The following MMS19 variants were observed in gnomAD, a reference collection of about 807,000 sequenced individuals.
The protein encoded by MMS19 is MMS19 nucleotide excision repair protein homolog.
Under a neutral mutation model 129.8 loss-of-function variants are expected in MMS19, and 77 were observed. The ratio of observed to expected loss-of-function variants is 0.59; its 90% confidence interval spans 0.49 to 0.72. MMS19 has a LOEUF of 0.72. Ranked by LOEUF, MMS19 falls within the 30% of genes least tolerant of loss-of-function variation. MMS19 has a pLI of 0.00. For missense variants in MMS19, 1,168 were observed against 1,266.3 expected (o/e 0.92, Z 1.18); for synonymous variants, 491 against 502.8 (o/e 0.98, Z 0.31).
In MMS19 at chr10:97,470,209, G is replaced by C; in HGVS notation, c.772-6C>G. 1 of 1,599,260 alleles carries C rather than the reference G, an allele frequency of 6.3e-7. No individual in the cohort carries two copies. Among genetic ancestry groups the C allele is most frequent in the Non-Finnish European group, 8.5e-7 (1 of 1,171,950 alleles). Reference sequence around the variant, plus strand: ...ATCAACAGGGGCAGCAGAAACTGTGGGACAGAAGGAAGATCTTAAGCCTGA... The same window carrying C: ...ATCAACAGGGGCAGCAGAAACTGTGCGACAGAAGGAAGATCTTAAGCCTGA... On this transcript the variant is annotated splice_polypyrimidine_tract_variant and splice_region_variant and intron_variant, in intron 9 of 30. Transcript: ENST00000438925.
At position 97,467,489 on chromosome 10, in the gene MMS19, T is replaced by C. The variant is rs1371127902; in HGVS notation, c.1297+16A>G. On this transcript the variant is annotated intron_variant, in intron 14 of 30. Transcript: ENST00000438925. ...TTCAACAGTCCCCAGAGCACTGCAA[T>C]GGAAGGCAACCTCACCTTTGTCTTC... The C allele has an allele frequency of 1.9e-6, 3 of 1,603,688 alleles. No homozygotes were observed. The highest frequency in any genetic ancestry group is 2.7e-5 in the African/African-American group (2 of 74,708).
rs200490757 is a variant in MMS19 at position 97,459,234 on chromosome 10, G to A, written c.2953C>T (p.Pro985Ser). 897 of 1,612,098 alleles carry A rather than the reference G, an allele frequency of 5.6e-4. No individual in the cohort carries two copies. Among genetic ancestry groups the A allele is most frequent in the Non-Finnish European group, 7.1e-4 (833 of 1,179,210 alleles). Residue 985 changes from proline to serine, a missense_variant, in exon 29 of 31, where the codon CCC becomes TCC. Pro to Ser is a moderately conservative substitution (Grantham distance 74). Coordinates refer to ENST00000438925, the MANE Select transcript of MMS19 (RefSeq NM_022362.5). ...LQCMHALTRL[P>S]TPVLLPYKPQ... ...CCTGAGGTACTTACCACAGGGGTGG[G>A]CAGGCGAGTGAGAGCATGCATGCAC...
At chr10:97,473,568 C>A (rs190083978) in intron 8 of MMS19, among the ~76,000 whole-genome samples, 5 of 150,614 alleles carry the variant, frequency 3.3e-5, no homozygotes, top group African/African-American at 9.8e-5. Flanking sequence ...TCTAGGATGA[C>A]GGTGAAGGAA....
rs1469677891 is a variant in MMS19 at position 97,458,433 on chromosome 10, T to A, written c.*259A>T. 3 of 491,498 alleles carry A rather than the reference T, an allele frequency of 6.1e-6. No individual in the cohort carries two copies. Among genetic ancestry groups the A allele is most frequent in the Non-Finnish European group, 7.2e-6 (2 of 278,014 alleles). The allele number at this position is 491,498 out of a possible 1,614,324, so 30.4% of individuals were successfully genotyped here. A position where few individuals can be genotyped will look rare whatever the true frequency, so the allele number is the denominator to read the frequency against. ...CCTCAGCAGCATATCGCCCCTTTTC[T>A]GACATATAAATGCAAGAGACCCAGG... On this transcript the variant is annotated 3_prime_UTR_variant, in exon 31 of 31. Transcript: ENST00000438925.
intron 8 of MMS19, among the ~76,000 whole-genome samples, chr10:97,472,757 G>A (rs1350104210): frequency 1.3e-5 from 2 of 151,494 alleles, no homozygotes; most frequent in African/African-American, 4.9e-5. Context: ...CTACAGACTC[G>A]ACCACCACGC....
chr10:97,460,390 G>T, intron 25 of MMS19, 158 bp from the exon 26 acceptor site: 1 of 669,546 alleles, frequency 1.5e-6, no homozygotes, highest in Non-Finnish European at 2.5e-6. Flanking sequence ...GGGCAACATG[G>T]CCAAACCCAG....
chr10:97,462,980 C>A lies in MMS19; in HGVS notation c.1913-298G>T, dbSNP rs141236255. ...TAACATAAGAAATAGAAATGTTGTC[C>A]CTGGTGTCCCTGGAGATGCAAGGAA... On this transcript the variant is annotated intron_variant, in intron 19 of 30. Coordinates refer to ENST00000438925, the MANE Select transcript of MMS19 (RefSeq NM_022362.5). The A allele has an allele frequency of 2.5e-3, 804 of 324,184 alleles. 1 individual carries two copies. Among genetic ancestry groups the A allele is most frequent in the Middle Eastern group, 0.012 (14 of 1,136 alleles). The allele number at this position is 324,184 out of a possible 1,614,324, so 20.1% of individuals were successfully genotyped here.
intron 13 of MMS19, 120 bp from the exon 14 acceptor site, chr10:97,467,703 A>G (rs985754358): frequency 1.1e-6 from 1 of 888,082 alleles, no homozygotes; most frequent in African/African-American, 1.7e-5. Flanking sequence ...GCTATGCCAC[A>G]GCCAGGCTGG....
At chr10:97,479,499 A>G (rs535947537) in intron 3 of MMS19, among the ~76,000 whole-genome samples, 15 of 152,190 alleles carry the variant, frequency 9.9e-5, no homozygotes, top group African/African-American at 3.4e-4. Context: ...GCATCTCTAC[A>G]GGGGGGAATG....
chr10:97,469,093 C>T lies in MMS19; in HGVS notation c.936G>A (p.Thr312=), dbSNP rs763362718. 64 of 1,578,000 alleles carry T rather than the reference C, an allele frequency of 4.1e-5. No homozygotes were observed. Among genetic ancestry groups the T allele is most frequent in the Middle Eastern group, 1.7e-4 (1 of 6,046 alleles). ...CCTCTGCCTCCACCCGCTCACTTGC[C>T]GTCTGGAACACCTGTCAGGGAGGGA... ...WASIRREVFQ[T]ASERVEAEGL... Residue 312 remains threonine (T), a synonymous_variant, in exon 12 of 31, where the codon ACG becomes ACA. Transcript: ENST00000438925.
At chr10:97,467,681 G>T in intron 13 of MMS19, 98 bp from the exon 14 acceptor site, 2 of 1,180,026 alleles carry the variant, frequency 1.7e-6, no homozygotes. Flanking sequence ...TCTTCCAAGA[G>T]ATGGGGGTTT....
intron 25 of MMS19, 40 bp from the exon 26 acceptor site, chr10:97,460,272 G>C (rs1395606029): frequency 7.0e-6 from 11 of 1,577,264 alleles, no homozygotes; most frequent in Non-Finnish European, 7.8e-6. Flanking sequence ...CAGGGAAGAA[G>C]AATCTTAAGT....
rs895919386 is a variant in MMS19, at chr10:97,460,812, CAT to C, written c.2413-63_2413-62del. On this transcript the variant is annotated intron_variant, in intron 24 of 30. Coordinates refer to ENST00000438925, the MANE Select transcript of MMS19 (RefSeq NM_022362.5). The stretch of plus-strand genomic sequence containing the variant: ...ACACTCAAACCCGAGAACCCTGAGA[CAT>C]AGATGTTTATGGTTTAGGGTCAAAC... 92 of 1,545,688 alleles carry C rather than the reference CAT, an allele frequency of 6.0e-5. No individual in the cohort carries two copies. The African/African-American group carries it at 1.2e-3, about 19-fold the overall frequency.
In MMS19 at chr10:97,470,825, G is replaced by C; in HGVS notation, c.721C>G (p.Leu241Val). Reference sequence around the variant, plus strand: ...AGCACAGCGCGAAGACTCAGGATGAGGTCTTCTCTCTGGATACCATGGGGA... The same window carrying C: ...AGCACAGCGCGAAGACTCAGGATGACGTCTTCTCTCTGGATACCATGGGGA... ...NDPHGIQREDLILSLRAVLAS... is the reference protein window; with the variant it reads ...NDPHGIQREDVILSLRAVLAS... Residue 241 changes from leucine to valine, a missense_variant, in exon 9 of 31, where the codon CTC becomes GTC. Transcript: ENST00000438925. The C allele has an allele frequency of 6.2e-7, 1 of 1,613,816 alleles. No homozygotes were observed. The highest frequency in any genetic ancestry group is 8.5e-7 in the Non-Finnish European group (1 of 1,179,792).
rs771513835 is a variant in MMS19, at chr10:97,468,332, C to T, written c.1138G>A (p.Gly380Ser). 6.2e-7 allele frequency: 1 copy of T among 1,612,700 alleles called. No homozygotes were observed. The highest frequency in any genetic ancestry group is 1.7e-5 in the Admixed American group (1 of 59,912). The change falls in exon 13 of 31, where the codon GGT becomes AGT. Residue 380 changes from glycine (G) to serine (S), a missense_variant. Physicochemically the swap from Gly to Ser is moderately conservative, Grantham distance 56. Transcript: ENST00000438925. ...GAGTCACAGGCCCGGGCAGATGCACCTGCAGCTGCCTGCAACAGCTTGGCA... is the reference window on the plus strand; with the variant it reads ...GAGTCACAGGCCCGGGCAGATGCACTTGCAGCTGCCTGCAACAGCTTGGCA... The part of the protein sequence containing the change: ...PSAKLLQAAA[G>S]ASARACDSVT...
At position 97,463,960 on chromosome 10, in the gene MMS19, G is replaced by C. The variant is rs1364602931; in HGVS notation, c.1810C>G (p.Gln604Glu). 5 of 1,613,240 alleles carry C rather than the reference G, an allele frequency of 3.1e-6. No homozygotes were observed. The highest frequency in any genetic ancestry group is 2.2e-5 in the South Asian group (2 of 90,854). The change falls in exon 19 of 31, where the codon CAG becomes GAG. Residue 604 changes from glutamine (Q) to glutamate (E), a missense_variant. Coordinates refer to ENST00000438925, the MANE Select transcript of MMS19 (RefSeq NM_022362.5). Reference sequence around the variant, plus strand: ...TCCTGCTGACATTTTTCTGCCATCTGTCTGAGGCTCTGACAGACAGCAATA... The same window carrying C: ...TCCTGCTGACATTTTTCTGCCATCTCTCTGAGGCTCTGACAGACAGCAATA... ...DVIAVCQSLR[Q>E]MAEKCQQDPE...
chr10:97,479,568 G>GTTTA (rs1441677033), intron 3 of MMS19, among the ~76,000 whole-genome samples: 1 of 152,166 alleles, frequency 6.6e-6, no homozygotes, highest in Non-Finnish European at 1.5e-5. Flanking sequence ...CCAGGTGGAT[G>GTTTA]TTTACTGTGT....
intron 1 of MMS19, among the ~76,000 whole-genome samples, chr10:97,495,442 C>CT (rs1554858292): frequency 6.6e-6 from 1 of 152,224 alleles, no homozygotes; most frequent in Non-Finnish European, 1.5e-5. Context: ...GGCTGCTACT[C>CT]TGAGTGACTG....
Position 97,476,842 on chromosome 10 carries a change from A to G in MMS19, c.615T>C (p.Tyr205=). Residue 205 remains tyrosine (Y), a synonymous_variant, in exon 7 of 31, where the codon TAT becomes TAC. Transcript: ENST00000438925. ...ATGGCTACCACGATATACCCAGGCTATAGTCCCTGGAGATGAGGTCATGGA... is the reference window on the plus strand; with the variant it reads ...ATGGCTACCACGATATACCCAGGCTGTAGTCCCTGGAGATGAGGTCATGGA... The part of the protein sequence containing the change: ...RIVHDLISRD[Y]SLGPFVEELF... The G allele has an allele frequency of 6.2e-7, 1 of 1,614,044 alleles. No individual in the cohort carries two copies. Among genetic ancestry groups the G allele is most frequent in the Non-Finnish European group, 8.5e-7 (1 of 1,179,894 alleles).
Sources: gnomAD v4.1 joint callset for allele counts (sites outside exome capture counted in the v4.1 genomes callset) on GRCh38, gnomAD v4.1.1 for gene constraint, MANE v1.5 for transcripts, NCBI Gene and HGNC (gene_info 2026-07-23, HGNC 2026-07-21) for gene names.